Variants in ACAD11 observed in about 807,000 individuals in gnomAD.
ACAD11 encodes acyl-Coenzyme A dehydrogenase family, member 11.
In ACAD11, 83 loss-of-function variants were observed where a neutral mutation model predicts 102.2. The observed-to-expected ratio is 0.81, with a 90% CI of 0.68 to 0.97. The LOEUF is 0.97. ACAD11 is among the 50% of genes least tolerant of loss of function. The pLI is 0.00. For missense variants in ACAD11, 901 were observed against 951.7 expected (o/e 0.95, Z 0.70); for synonymous variants, 324 against 319.8 (o/e 1.01, Z -0.14).
chr3:132,650,336 G>C (rs906325788), intron 1 of ACAD11: 1 of 152,176 alleles, frequency 6.6e-6, no homozygotes, highest in Admixed American at 6.5e-5. Context: ...TGCTTTGCTA[G>C]GGACTTCCCT....
chr3:132,593,723 A>G (rs980025415), intron 13 of ACAD11, among the ~76,000 whole-genome samples: 1 of 152,176 alleles, frequency 6.6e-6, no homozygotes, highest in African/African-American at 2.4e-5. Flanking sequence ...TGGGCAACAT[A>G]GCAAAATGAC....
intron 11 of ACAD11, among the ~76,000 whole-genome samples, chr3:132,610,094 C>T (rs901314335): frequency 1.1e-4 from 16 of 152,068 alleles, no homozygotes; most frequent in African/African-American, 3.1e-4. Context: ...CATGCAAAAA[C>T]TCAATAAACT....
chr3:132,642,585 CTA>C (rs1261538578), intron 3 of ACAD11, 90 bp downstream of exon 3: 50 of 1,309,642 alleles, frequency 3.8e-5, no homozygotes, highest in Middle Eastern at 2.7e-4. Flanking sequence ...AAATAACAAA[CTA>C]TATCATTTAT....
chr3:132,615,199 A>G (rs1939354647), intron 11 of ACAD11, among the ~76,000 whole-genome samples: 2 of 152,208 alleles, frequency 1.3e-5, no homozygotes, highest in South Asian at 4.1e-4. Context: ...GGATGTGGAG[A>G]AATAGGAAAG....
chr3:132,596,703 C>A (rs1938323685), intron 13 of ACAD11, among the ~76,000 whole-genome samples: 1 of 151,994 alleles, frequency 6.6e-6, no homozygotes, highest in Non-Finnish European at 1.5e-5. Context: ...AACAAGAAAG[C>A]AAGAGAGTTT....
At chr3:132,579,348 G>C in intron 14 of ACAD11, 144 bp downstream of exon 14, 1 of 708,506 alleles carries the variant, frequency 1.4e-6, no homozygotes, top group East Asian at 2.8e-5. Context: ...GAAAATACTT[G>C]TGAAATACAA....
intron 1 of ACAD11, among the ~76,000 whole-genome samples, chr3:132,646,142 A>C (rs1940709303): frequency 6.6e-6 from 1 of 152,094 alleles, no homozygotes; most frequent in African/African-American, 2.4e-5. Flanking sequence ...GCACCCGGCT[A>C]ATTTTTTGTA....
At chr3:132,611,728 T>C (rs1185000045) in intron 11 of ACAD11, among the ~76,000 whole-genome samples, 1 of 151,890 alleles carries the variant, frequency 6.6e-6, no homozygotes, top group South Asian at 2.1e-4. Context: ...TAAAAGAGGA[T>C]ACAAAGAAAT....
chr3:132,572,733 C>T (rs995879030), intron 17 of ACAD11, among the ~76,000 whole-genome samples: 1 of 152,126 alleles, frequency 6.6e-6, no homozygotes, highest in Non-Finnish European at 1.5e-5. Context: ...GAAATGGGGC[C>T]ACATACCTAC....
chr3:132,638,804 T>C (rs1057416782), intron 5 of ACAD11, among the ~76,000 whole-genome samples: 2 of 152,190 alleles, frequency 1.3e-5, no homozygotes, highest in African/African-American at 4.8e-5. Context: ...AGGTTAGAAT[T>C]CAGAATTCAT....
At chr3:132,593,816 G>C (rs1226045747) in intron 13 of ACAD11, among the ~76,000 whole-genome samples, 1 of 152,100 alleles carries the variant, frequency 6.6e-6, no homozygotes, top group East Asian at 1.9e-4. Flanking sequence ...GGGAGGTTAA[G>C]AGTAGGAGCC....
Position 132,559,896 on chromosome 3 carries a change from A to G in ACAD11, c.2165T>C (p.Val722Ala), listed in dbSNP as rs776728587. The change falls in exon 19 of 20, where the codon GTT becomes GCT. Residue 722 changes from valine to alanine, a missense_variant. By Grantham distance (64) the Val-to-Ala change is moderately conservative (BLOSUM62 0). Coordinates refer to ENST00000264990, the MANE Select transcript of ACAD11 (RefSeq NM_032169.5). ...TCCGCACACCTGGATGGCCCAGTCA[A>G]CGATTTTGCTGACAGCCCGTGGGGC... is the stretch of plus-strand genomic sequence containing the variant. ...VAAPRAVSKI[V>A]DWAIQVCGGA... The G allele has an allele frequency of 2.5e-6, 4 of 1,613,688 alleles. 1 individual carries two copies. The South Asian group carries it at 3.3e-5, about 13-fold the overall frequency.
At chr3:132,561,938 G>C (rs1361067073) in intron 17 of ACAD11, among the ~76,000 whole-genome samples, 1 of 152,144 alleles carries the variant, frequency 6.6e-6, no homozygotes, top group African/African-American at 2.4e-5. Context: ...ATTGTTTTGA[G>C]ACCAACTTCT....
At chr3:132,607,066 C>CAGG (rs1310657270) in intron 11 of ACAD11, among the ~76,000 whole-genome samples, 7 of 152,076 alleles carry the variant, frequency 4.6e-5, no homozygotes, top group Non-Finnish European at 5.9e-5. Context: ...AACTAACAAA[C>CAGG]AGGAATAGCA....
intron 13 of ACAD11, among the ~76,000 whole-genome samples, chr3:132,580,544 A>G (rs1325622429): frequency 6.6e-6 from 1 of 152,068 alleles, no homozygotes; most frequent in Non-Finnish European, 1.5e-5. Context: ...CTTAGATCCT[A>G]ATTCAATCAA....
intron 5 of ACAD11, among the ~76,000 whole-genome samples, chr3:132,637,831 G>T (rs983023530): frequency 6.6e-6 from 1 of 152,070 alleles, no homozygotes; most frequent in East Asian, 1.9e-4. Context: ...TTCCTGGAAG[G>T]TTTGTCATTT....
In ACAD11 at chr3:132,581,000, G is replaced by C. The variant is rs546807341; in HGVS notation, c.1622-1442C>G. Among the ~76,000 whole-genome samples, 5 of 152,010 alleles carry C rather than the reference G, an allele frequency of 3.3e-5. No individual in the cohort carries two copies. In the South Asian group the frequency reaches 1.0e-3, roughly 32 times the overall value. ...AGGGAATAATTTATTGAAGAAATGA[G>C]CAGAAGAACATTTTCTAGAACTGAA... On this transcript the variant is annotated intron_variant, in intron 13 of 19. Transcript: ENST00000264990.
intron 1 of ACAD11, among the ~76,000 whole-genome samples, chr3:132,652,034 T>C (rs1199473546): frequency 1.3e-5 from 2 of 152,136 alleles, no homozygotes; most frequent in East Asian, 3.9e-4. Context: ...GACATGACGT[T>C]TGGGAAGGGT....
intron 11 of ACAD11, among the ~76,000 whole-genome samples, chr3:132,614,517 G>A (rs1346358938): frequency 2.6e-5 from 4 of 152,014 alleles, no homozygotes; most frequent in African/African-American, 4.8e-5. Flanking sequence ...CAGAAATAAC[G>A]CCACACATCT....
Sources: allele counts gnomAD v4.1 joint callset (sites outside exome capture counted in the v4.1 genomes callset), GRCh38; gene constraint gnomAD v4.1.1; transcripts MANE v1.5; gene names NCBI Gene and HGNC (gene_info 2026-07-23, HGNC 2026-07-21).